Variants in LTN1 observed in about 807,000 individuals in gnomAD.
LTN1 encodes listerin E3 ubiquitin protein ligase 1, also known as E3 ubiquitin-protein ligase listerin.
LTN1 carries 88 observed loss-of-function variants against 201.2 expected under a neutral mutation model. The observed-to-expected ratio is 0.44, with a 90% CI of 0.37 to 0.52. The LOEUF (loss-of-function observed/expected upper bound fraction) is 0.52, where lower values mean the gene tolerates loss of function less well. Among genes scored for constraint, LTN1 ranks in the 20% least tolerant of loss-of-function variants. The pLI is 0.00. For missense variants in LTN1, 1,752 were observed against 2,038.7 expected (o/e 0.86, Z 2.71); for synonymous variants, 645 against 713.5 (o/e 0.90, Z 1.53).
At chr21:28,948,641 T>C (rs540830986) in intron 18 of LTN1, among the ~76,000 whole-genome samples, 2 of 152,320 alleles carry the variant, frequency 1.3e-5, no homozygotes, top group African/African-American at 2.4e-5. Context: ...ACTAAACATA[T>C]TGTTCTATCA....
At chr21:28,966,341 T>C in intron 10 of LTN1, 29 bp downstream of exon 10, 1 of 1,520,004 alleles carries the variant, frequency 6.6e-7, no homozygotes, top group Non-Finnish European at 8.9e-7. Flanking sequence ...ATTATTCAAA[T>C]AGTTTGAAAA....
chr21:28,987,761 C>G (rs2084709432), intron 1 of LTN1, among the ~76,000 whole-genome samples: 1 of 152,150 alleles, frequency 6.6e-6, no homozygotes, highest in Non-Finnish European at 1.5e-5. Flanking sequence ...GTTTGACCAC[C>G]AAGCTGACAT....
intron 16 of LTN1, among the ~76,000 whole-genome samples, chr21:28,953,619 T>C (rs558636564): frequency 6.6e-6 from 1 of 152,306 alleles, no homozygotes; most frequent in East Asian, 1.9e-4. Flanking sequence ...TAGTTAAGAA[T>C]GTGACAAGAA....
intron 25 of LTN1, 112 bp downstream of exon 25, chr21:28,941,108 T>C (rs2084293806): frequency 6.9e-6 from 5 of 719,796 alleles, no homozygotes; most frequent in African/African-American, 1.8e-5. Context: ...TTTTAAAAGA[T>C]GAGATTAAAA....
intron 1 of LTN1, among the ~76,000 whole-genome samples, chr21:28,990,925 C>A (rs914193630): frequency 6.6e-6 from 1 of 151,544 alleles, no homozygotes; most frequent in South Asian, 2.1e-4. Context: ...GATGTTAAAA[C>A]GGTTTATCTT....
chr21:28,974,438 A>G (rs1250441326), intron 6 of LTN1, among the ~76,000 whole-genome samples: 2 of 152,212 alleles, frequency 1.3e-5, no homozygotes, highest in Non-Finnish European at 2.9e-5. Context: ...ACAAAAAACA[A>G]CTACCTGAGG....
At position 28,970,558 on chromosome 21, in the gene LTN1, A is replaced by G. The variant is rs763103953; in HGVS notation, c.1169T>C (p.Val390Ala). The change falls in exon 8 of 30, where the codon GTT becomes GCT. Residue 390 changes from valine to alanine, a missense_variant. Val to Ala is a moderately conservative substitution (Grantham distance 64, BLOSUM62 0). Around this residue, in one of 3 missense-constraint regions of LTN1, gnomAD observed 1,211 missense variants for 1,312.8 expected, o/e 0.92. Coordinates refer to ENST00000361371, the MANE Select transcript of LTN1 (RefSeq NM_015565.3). ...AAAAATTTAAATTACTTACCCAGCA[A>G]CTAGAGACGTGAGGAAATTTTTGAA... Reference protein sequence around the residue: ...DFFKNFLTSLVAGLSTERTKT... With the variant: ...DFFKNFLTSLAAGLSTERTKT... 1.2e-6 allele frequency: 2 copies of G among 1,606,712 alleles called. No homozygotes were observed. The highest frequency in any genetic ancestry group is 4.5e-5 in the East Asian group (2 of 44,768).
At chr21:28,960,228 A>G (rs919625989) in intron 12 of LTN1, among the ~76,000 whole-genome samples, 3 of 152,096 alleles carry the variant, frequency 2.0e-5, no homozygotes, top group East Asian at 3.9e-4. Flanking sequence ...TTAGCCAGGC[A>G]TGGTGGCATG....
At chr21:28,933,336 G>GTCT (rs1219100546) in intron 27 of LTN1, among the ~76,000 whole-genome samples, 1 of 151,856 alleles carries the variant, frequency 6.6e-6, no homozygotes, top group Non-Finnish European at 1.5e-5. Flanking sequence ...CTTTGCTCAT[G>GTCT]TCTACCCCAA....
Position 28,941,220 on chromosome 21 carries a change from C to G in LTN1, c.4482G>C (p.Gln1494His). The G allele has an allele frequency of 6.2e-7, 1 of 1,606,700 alleles. No homozygotes were observed. Among genetic ancestry groups the G allele is most frequent in the Non-Finnish European group, 8.5e-7 (1 of 1,174,954 alleles). ...CGAAAGTTGTCACATATTTATTTAC[C>G]TGTGATGATGCAGCTTTGAAGAAAG... ...ILTFFKAASSQLRALYSMYLR... is the reference protein window; with the variant it reads ...ILTFFKAASSHLRALYSMYLR... The change falls in exon 25 of 30, where the codon CAG (glutamine) becomes CAC (histidine). Residue 1494 changes from glutamine (Q) to histidine (H), a missense_variant and splice_region_variant. Physicochemically the swap from Gln to His is conservative, Grantham distance 24. Transcript: ENST00000361371.
Position 28,947,456 on chromosome 21 carries a change from C to T in LTN1, c.3487+8G>A, listed in dbSNP as rs7278893. On this transcript the variant is annotated splice_region_variant and intron_variant, in intron 19 of 29. Coordinates refer to ENST00000361371, the MANE Select transcript of LTN1 (RefSeq NM_015565.3). ...AATTAATGAAATATTTATTATCAAG[C>T]AACTAACCATTAGTGCTGCAAAGAT... 2.7e-6 allele frequency: 4 copies of T among 1,506,936 alleles called. No individual in the cohort carries two copies. The African/African-American group carries it at 5.7e-5, about 22-fold the overall frequency. The allele number at this position is 1,506,936 out of a possible 1,614,324, so 93.3% of individuals were successfully genotyped here.
rs568413574 is a variant in LTN1 at position 28,938,571 on chromosome 21, G to GTA, written c.4483-1876_4483-1875dup. 1.3e-3 allele frequency among the ~76,000 whole-genome samples: 205 copies of GTA among 151,968 alleles called. 1 individual carries two copies. Among genetic ancestry groups the GTA allele is most frequent in the African/African-American group, 4.6e-3 (191 of 41,446 alleles). On this transcript the variant is annotated intron_variant, in intron 25 of 29. Transcript: ENST00000361371. ...TACGACCCAGCAATCCCACTCCAAG[G>GTA]TATACAACACAAGTGAAAACATATT... is the stretch of plus-strand genomic sequence containing the variant.
intron 6 of LTN1, among the ~76,000 whole-genome samples, chr21:28,971,821 A>G (rs1054638693): frequency 6.6e-6 from 1 of 152,198 alleles, no homozygotes; most frequent in Non-Finnish European, 1.5e-5. Flanking sequence ...TCAGTCACAA[A>G]TTCTATAATA....
Position 28,936,662 on chromosome 21 carries a change from T to C in LTN1, c.4518A>G (p.Thr1506=). The change falls in exon 26 of 30, where the codon ACA becomes ACG. Residue 1506 remains threonine, a synonymous_variant. Transcript: ENST00000361371. The part of the protein sequence containing the change: ...RALYSMYLRK[T]KSLNKLLYHL... ...GATAGAGCAATTTATTCAAACTCTT[T>C]GTTTTCCGAAGATACATGGAATACA... The C allele has an allele frequency of 6.2e-7, 1 of 1,613,378 alleles. No homozygotes were observed. The highest frequency in any genetic ancestry group is 2.2e-5 in the East Asian group (1 of 44,860).
intron 18 of LTN1, among the ~76,000 whole-genome samples, chr21:28,950,175 T>C (rs944790334): frequency 1.3e-5 from 2 of 152,156 alleles, no homozygotes; most frequent in Non-Finnish European, 1.5e-5. Flanking sequence ...ATTGACACAA[T>C]CATTTTTACA....
At chr21:28,951,762 A>AG (rs2084384309) in intron 18 of LTN1, among the ~76,000 whole-genome samples, 1 of 152,188 alleles carries the variant, frequency 6.6e-6, no homozygotes, top group Non-Finnish European at 1.5e-5. Flanking sequence ...GCTTGAGCCC[A>AG]GGAATTCAAG....
intron 13 of LTN1, 39 bp from the exon 14 acceptor site, chr21:28,958,578 G>T: frequency 1.4e-6 from 2 of 1,430,740 alleles, no homozygotes; most frequent in Non-Finnish European, 9.6e-7. Context: ...TAATCTCACT[G>T]AATTAACTCT....
Position 28,969,514 on chromosome 21 carries a change from C to T in LTN1, c.1263G>A (p.Gln421=). 1 of 1,612,986 alleles carries T rather than the reference C, an allele frequency of 6.2e-7. No homozygotes were observed. Among genetic ancestry groups the T allele is most frequent in the Non-Finnish European group, 8.5e-7 (1 of 1,179,526 alleles). The change falls in exon 9 of 30, where the codon CAG becomes CAA. Residue 421 remains glutamine, a synonymous_variant. Transcript: ENST00000361371. The part of the protein sequence containing the change: ...AFFECLRFIM[Q]QNLGEEEIEQ... ...CAATCTCTTCCTCACCTAAGTTTTGCTGCATTATAAAACGTAAGCATTCAA... is the reference window on the plus strand; with the variant it reads ...CAATCTCTTCCTCACCTAAGTTTTGTTGCATTATAAAACGTAAGCATTCAA...
In LTN1 at chr21:28,953,276, C is replaced by A. The variant is rs756640145; in HGVS notation, c.3180G>T (p.Thr1060=). The A allele has an allele frequency of 6.2e-7, 1 of 1,604,820 alleles. No homozygotes were observed. Among genetic ancestry groups the A allele is most frequent in the Non-Finnish European group, 8.5e-7 (1 of 1,177,296 alleles). ...FCEILQKMNI[T]YDNLRVLGNT... ...TACCAAGTACACGTAAGTTATCATA[C>A]GTAATATTCATTTTTTGAAGTATTT... Residue 1060 remains threonine (T), a synonymous_variant, in exon 17 of 30, where the codon ACG becomes ACT. Transcript: ENST00000361371.
Sources: gnomAD v4.1 joint callset for allele counts (sites outside exome capture counted in the v4.1 genomes callset) on GRCh38, gnomAD v4.1.1 for gene constraint, gnomAD v4.1.1 regional missense constraint, MANE v1.5 for transcripts, NCBI Gene and HGNC (gene_info 2026-07-23, HGNC 2026-07-21) for gene names.